Variants in GABPB2 observed in about 807,000 individuals in gnomAD.
GABPB2 encodes the protein GA-binding protein subunit beta-2.
GABPB2 carries 23 observed loss-of-function variants against 39.1 expected under a neutral mutation model. The ratio of observed to expected loss-of-function variants is 0.59; its 90% CI spans 0.42 to 0.83. GABPB2 has a LOEUF of 0.83. GABPB2 is among the 40% of genes least tolerant of loss of function. The pLI is 0.00. For missense variants in GABPB2, 467 were observed against 541.1 expected (o/e 0.86, Z 1.36); for synonymous variants, 184 against 199.3 (o/e 0.92, Z 0.65).
In GABPB2 at chr1:151,106,229, T is replaced by C. The variant is rs377412217; in HGVS notation, c.737-808T>C. 2.2e-4 allele frequency among the ~76,000 whole-genome samples: 34 copies of C among 152,118 alleles called. No homozygotes were observed. In the East Asian group the frequency reaches 4.5e-3, roughly 20 times the overall value. On this transcript the variant is annotated intron_variant, in intron 6 of 8. Transcript: ENST00000368918. ...TGCCCACCTCGGCCTCCCAAAGTGC[T>C]GGGATTACAGGCGTGAGCCACCGTG...
chr1:151,105,322 A>G (rs1027937775), intron 6 of GABPB2, among the ~76,000 whole-genome samples: 1 of 151,584 alleles, frequency 6.6e-6, no homozygotes, highest in Non-Finnish European at 1.5e-5. Context: ...CATAATACAC[A>G]TAACACTCAT....
At chr1:151,072,862 A>G (rs1050235251) in intron 1 of GABPB2, among the ~76,000 whole-genome samples, 4 of 152,020 alleles carry the variant, frequency 2.6e-5, no homozygotes, top group Admixed American at 6.6e-5. Flanking sequence ...AAACAAACAA[A>G]CAAACATACT....
chr1:151,109,364 A>ATATATATATATATATTTT (rs779537595), intron 7 of GABPB2, among the ~76,000 whole-genome samples: 9 of 112,390 alleles, frequency 8.0e-5, no homozygotes, highest in African/African-American at 3.0e-4. Context: ...ATATATATAT[A>ATATATATATATATATTTT]TTTTTTTTTT....
chr1:151,081,497 C>T (rs1488354783), intron 1 of GABPB2, among the ~76,000 whole-genome samples: 2 of 151,486 alleles, frequency 1.3e-5, no homozygotes, highest in Non-Finnish European at 2.9e-5. Flanking sequence ...GTCTCAACCC[C>T]AAAAAAGAAA....
At chr1:151,078,326 G>T (rs1262337579) in intron 1 of GABPB2, among the ~76,000 whole-genome samples, 1 of 151,836 alleles carries the variant, frequency 6.6e-6, no homozygotes, top group Non-Finnish European at 1.5e-5. Context: ...GGGCGCGGTG[G>T]CTCACGCCTG....
At chr1:151,093,562 A>G (rs1038888845) in intron 4 of GABPB2, among the ~76,000 whole-genome samples, 176 bp downstream of exon 4, 3 of 151,030 alleles carry the variant, frequency 2.0e-5, no homozygotes, top group Admixed American at 6.6e-5. Context: ...TATAGAATAT[A>G]TATTTGTGTG....
intron 6 of GABPB2, 117 bp from the exon 7 acceptor site, chr1:151,106,920 C>T (rs973469414): frequency 5.1e-6 from 3 of 591,024 alleles, no homozygotes; most frequent in African/African-American, 3.9e-5. Context: ...TTGAATCTCA[C>T]TTTTTTTTTT....
Position 151,118,217 on chromosome 1 carries a change from G to T in GABPB2, c.1308G>T (p.Glu436Asp). The T allele has an allele frequency of 6.2e-7, 1 of 1,614,056 alleles. No individual in the cohort carries two copies. The highest frequency in any genetic ancestry group is 8.5e-7 in the Non-Finnish European group (1 of 1,179,968). ...TKVTGSAGTT[E>D]PHTRVSMATV... ...TGACTGGGTCAGCAGGGACCACAGA[G>T]CCTCACACTAGAGTTTCCATGGCAA... The change falls in exon 9 of 9, where the codon GAG (glutamate) becomes GAT (aspartate). Residue 436 changes from glutamate (E) to aspartate (D), a missense_variant. Glu to Asp is a conservative substitution (Grantham distance 45). Transcript: ENST00000368918.
chr1:151,075,426 T>C (rs1453880580), intron 1 of GABPB2, among the ~76,000 whole-genome samples: 1 of 151,536 alleles, frequency 6.6e-6, no homozygotes, highest in East Asian at 1.9e-4. Context: ...TAGCCGGGCA[T>C]GGTGGCGGGC....
chr1:151,117,501 T>C lies in GABPB2; in HGVS notation c.1032T>C (p.Ser344=). 12 of 1,613,692 alleles carry C rather than the reference T, an allele frequency of 7.4e-6. No individual in the cohort carries two copies. Among genetic ancestry groups the C allele is most frequent in the South Asian group, 1.1e-5 (1 of 91,070 alleles). The change falls in exon 8 of 9, where the codon AGT becomes AGC. Residue 344 remains serine (S), a synonymous_variant. Coordinates refer to ENST00000368918, the MANE Select transcript of GABPB2 (RefSeq NM_144618.3). The stretch of plus-strand genomic sequence containing the variant: ...CAAGGATAGGAGAGAAGACAAACAG[T>C]GTGGAGGAAAGCAAGGTAATGTTTT... The part of the protein sequence containing the change: ...KKPRIGEKTN[S]VEESKEGNER...
chr1:151,093,807 G>A (rs1678897340), intron 4 of GABPB2, among the ~76,000 whole-genome samples: 1 of 151,722 alleles, frequency 6.6e-6, no homozygotes, highest in Non-Finnish European at 1.5e-5. Context: ...TTCATCAACT[G>A]ATGTGAGACA....
chr1:151,091,050 A>G lies in GABPB2; in HGVS notation c.276+477A>G, dbSNP rs182945625. Among the ~76,000 whole-genome samples the G allele has an allele frequency of 4.0e-5, 6 of 151,860 alleles. No individual in the cohort carries two copies. In the East Asian group the frequency reaches 5.8e-4, roughly 15 times the overall value. On this transcript the variant is annotated intron_variant, in intron 3 of 8. Coordinates refer to ENST00000368918, the MANE Select transcript of GABPB2 (RefSeq NM_144618.3). ...CAAAAAAACAAAAAAAAAAACCTTC[A>G]TGGCTATGAGGAGTCTGTTTTCTTA...
intron 8 of GABPB2, 80 bp downstream of exon 8, chr1:151,117,596 CTTTTT>C: frequency 6.8e-7 from 1 of 1,466,306 alleles, no homozygotes; most frequent in Non-Finnish European, 9.3e-7. Flanking sequence ...TTTCTTTTTT[CTTTTT>C]GAGACGGAGT....
At chr1:151,115,150 C>T (rs1680760282) in intron 7 of GABPB2, among the ~76,000 whole-genome samples, 1 of 151,942 alleles carries the variant, frequency 6.6e-6, no homozygotes, top group Admixed American at 6.6e-5. Context: ...CACCTGAGGT[C>T]GGGAGTTTGA....
chr1:151,103,410 C>T (rs915742428), intron 5 of GABPB2, 152 bp from the exon 6 acceptor site: 2 of 518,018 alleles, frequency 3.9e-6, no homozygotes, highest in Non-Finnish European at 6.9e-6. Context: ...AGAATTTTAA[C>T]ACTGATATAA....
rs1572009165 is a variant in GABPB2, at chr1:151,124,006, T to C, written c.*5750T>C. On this transcript the variant is annotated 3_prime_UTR_variant, in exon 9 of 9. Transcript: ENST00000368918. ...GGTGAAACTCAGTCTCTACTAAAAATACAAAAATTAGCCGGGGGTGGTGGC... is the reference window on the plus strand; with the variant it reads ...GGTGAAACTCAGTCTCTACTAAAAACACAAAAATTAGCCGGGGGTGGTGGC... The C allele has an allele frequency of 2.2e-5, 1 of 46,172 alleles. No homozygotes were observed. Among genetic ancestry groups the C allele is most frequent in the East Asian group, 6.0e-4 (1 of 1,668 alleles). The allele number at this position is 46,172 out of a possible 1,614,324, so 2.9% of individuals were successfully genotyped here. A position where few individuals can be genotyped will look rare whatever the true frequency, so the allele number is the denominator to read the frequency against.
At chr1:151,077,356 GTT>G (rs35650542) in intron 1 of GABPB2, among the ~76,000 whole-genome samples, 7 of 110,636 alleles carry the variant, frequency 6.3e-5, no homozygotes, top group Non-Finnish European at 6.9e-5. Flanking sequence ...CAACTCATAG[GTT>G]TTTTTTTTTT....
At chr1:151,084,074 A>AT (rs1046750923) in intron 1 of GABPB2, among the ~76,000 whole-genome samples, 2,350 of 148,398 alleles carry the variant, frequency 0.016, 35 homozygotes, top group Admixed American at 0.029. Context: ...AAATATATAT[A>AT]TTTTTTTAAT....
chr1:151,111,344 A>G (rs970051258), intron 7 of GABPB2, among the ~76,000 whole-genome samples: 1 of 147,752 alleles, frequency 6.8e-6, no homozygotes, highest in African/African-American at 2.5e-5. Flanking sequence ...CCTGGGTTCA[A>G]GCAATTCTCC....
Sources: allele counts gnomAD v4.1 joint callset (sites outside exome capture counted in the v4.1 genomes callset), GRCh38; gene constraint gnomAD v4.1.1; transcripts MANE v1.5; gene names NCBI Gene and HGNC (gene_info 2026-07-23, HGNC 2026-07-21).